The following ATN1 variants were observed in gnomAD, a reference collection of about 807,000 sequenced individuals.
ATN1 encodes the protein atrophin 1.
In ATN1, 19 loss-of-function variants were observed where a neutral mutation model predicts 85.8. That is an observed-to-expected ratio of 0.22 (90% CI 0.15 to 0.32). The LOEUF (loss-of-function observed/expected upper bound fraction) is 0.32, where lower values mean the gene tolerates loss of function less well. Ranked by LOEUF, ATN1 falls within the 10% of genes least tolerant of loss-of-function variation. The probability of loss-of-function intolerance (pLI) is 1.00; values close to 1 mark genes in which losing one functional copy is unlikely to be tolerated. For missense variants in ATN1, 1,453 were observed against 1,564.5 expected (o/e 0.93, Z 1.20); for synonymous variants, 674 against 657.0 (o/e 1.03, Z -0.39).
upstream of ATN1, among the ~76,000 whole-genome samples, chr12:6,927,868 C>T (rs1555142738): frequency 6.6e-6 from 1 of 151,572 alleles, no homozygotes; most frequent in African/African-American, 2.4e-5. Flanking sequence ...GTCGGGGCCT[C>T]GGGCCGGGCC....
At position 6,935,599 on chromosome 12, in the gene ATN1, G is replaced by A. The variant is rs782272870; in HGVS notation, c.332G>A (p.Arg111Gln). The change falls in exon 5 of 10, where the codon CGG becomes CAG. Residue 111 changes from arginine (R) to glutamine (Q), a missense_variant. Arg to Gln is a conservative substitution (Grantham distance 43). Transcript: ENST00000396684. The surrounding 1 kb of genome is among the most constrained non-coding windows in gnomAD (Gnocchi z 5.3). Reference protein sequence around the residue: ...SPSDLDSLDGRSLNDDGSSDP... With the variant: ...SPSDLDSLDGQSLNDDGSSDP... ...TCCGATCTGGATAGCTTGGACGGGC[G>A]GAGCCTTAATGATGATGGCAGCAGC... 1.1e-5 allele frequency: 17 copies of A among 1,613,790 alleles called. No homozygotes were observed. The highest frequency in any genetic ancestry group is 1.6e-4 in the Middle Eastern group (1 of 6,080).
Position 6,934,320 on chromosome 12 carries a change from T to G in ATN1, c.165+7T>G. The G allele has an allele frequency of 6.4e-7, 1 of 1,567,018 alleles. No individual in the cohort carries two copies. The highest frequency in any genetic ancestry group is 1.2e-5 in the South Asian group (1 of 83,720). On this transcript the variant is annotated splice_region_variant and intron_variant, in intron 3 of 9. Transcript: ENST00000396684. This position sits in a 1 kb window ranked among gnomAD's most constrained non-coding sequence, Gnocchi z 4.5. ...GTCCAGGCAGACAGCCAAGGTATTC[T>G]GTCCTCAGGTCCTCCCACAGGATGC...
chr12:6,936,803 T>G lies in ATN1; in HGVS notation c.1536T>G (p.Pro512=). 2 of 1,612,166 alleles carry G rather than the reference T, an allele frequency of 1.2e-6. No homozygotes were observed. The highest frequency in any genetic ancestry group is 1.7e-6 in the Non-Finnish European group (2 of 1,179,174). Residue 512 remains proline, a synonymous_variant, in exon 5 of 10, where the codon CCT becomes CCG. Transcript: ENST00000396684. The stretch of plus-strand genomic sequence containing the variant: ...ACGGAAACTCTGGGCCCCCTCCTCC[T>G]GGAGCATTTCCCCACCCACTGGAGG... ...QHHGNSGPPP[P]GAFPHPLEGG...
Position 6,938,992 on chromosome 12 carries a change from C to T in ATN1, c.3029C>T (p.Ala1010Val). The change falls in exon 7 of 10, where the codon GCC becomes GTC. Residue 1010 changes from alanine (A) to valine (V), a missense_variant. This residue lies in a region of ATN1 where 208 missense variants were observed against 263.4 expected (regional missense o/e 0.79). Coordinates refer to ENST00000396684, the MANE Select transcript of ATN1 (RefSeq NM_001940.4). Reference sequence around the variant, plus strand: ...CGTCTAGCGCTGGCAGCTGGGCCAGCCCTGCGGCCTGACATGTCCTATGCT... The same window carrying T: ...CGTCTAGCGCTGGCAGCTGGGCCAGTCCTGCGGCCTGACATGTCCTATGCT... ...RERLALAAGP[A>V]LRPDMSYAER... 1.2e-6 allele frequency: 2 copies of T among 1,612,894 alleles called. No individual in the cohort carries two copies. The highest frequency in any genetic ancestry group is 1.7e-6 in the Non-Finnish European group (2 of 1,179,988).
chr12:6,929,375 G>C (rs1413111041), intron 1 of ATN1, among the ~76,000 whole-genome samples: 2 of 152,156 alleles, frequency 1.3e-5, no homozygotes, highest in Non-Finnish European at 2.9e-5. Context: ...GGCTTATTTT[G>C]ACTAGGGTAG....
chr12:6,937,346 A>G lies in ATN1; in HGVS notation c.2079A>G (p.Gly693=). The change falls in exon 5 of 10, where the codon GGA becomes GGG. Residue 693 remains glycine, a synonymous_variant. Transcript: ENST00000396684. The surrounding 1 kb of genome is among the most constrained non-coding windows in gnomAD (Gnocchi z 6.0). ...TCAAGCCGGGCTCGCCCACCGTGGGACCTGGGCCCCTGCCACCTGCGGGGC... is the reference window on the plus strand; with the variant it reads ...TCAAGCCGGGCTCGCCCACCGTGGGGCCTGGGCCCCTGCCACCTGCGGGGC... ...GTFKPGSPTV[G]PGPLPPAGPS... is the part of the protein sequence containing the mutation. 1 of 1,553,150 alleles carries G rather than the reference A, an allele frequency of 6.4e-7. No homozygotes were observed. The highest frequency in any genetic ancestry group is 8.7e-7 in the Non-Finnish European group (1 of 1,150,318).
upstream of ATN1, among the ~76,000 whole-genome samples, chr12:6,924,810 G>A (rs1287821858): frequency 6.6e-6 from 1 of 151,946 alleles, no homozygotes; most frequent in Non-Finnish European, 1.5e-5. Flanking sequence ...GTTTTCTCTG[G>A]GGTCCCTGAT....
rs1945562261 is a variant in ATN1, at chr12:6,937,387, C to T, written c.2120C>T (p.Ser707Leu). The T allele has an allele frequency of 1.3e-6, 2 of 1,549,274 alleles. No homozygotes were observed. The highest frequency in any genetic ancestry group is 1.7e-4 in the Middle Eastern group (1 of 5,902). Residue 707 changes from serine to leucine, a missense_variant, in exon 5 of 10, where the codon TCG becomes TTG. By Grantham distance (145) the Ser-to-Leu change is moderately radical. Around this residue, in one of 6 missense-constraint regions of ATN1, gnomAD observed 990 missense variants for 914.8 expected, o/e 1.08. Coordinates refer to ENST00000396684, the MANE Select transcript of ATN1 (RefSeq NM_001940.4). The surrounding 1 kb of genome is among the most constrained non-coding windows in gnomAD (Gnocchi z 6.0). ...LPPAGPSGLPSLPPPPAAPAS... is the reference protein window; with the variant it reads ...LPPAGPSGLPLLPPPPAAPAS... ...CCTGCGGGGCCCTCAGGCCTGCCAT[C>T]GCTGCCACCACCACCTGCGGCCCCT... is the stretch of plus-strand genomic sequence containing the variant.
At position 6,936,284 on chromosome 12, in the gene ATN1, G is replaced by A. The variant is rs1058045; in HGVS notation, c.1017G>A (p.Met339Ile). The A allele has an allele frequency of 6.2e-7, 1 of 1,613,730 alleles. No homozygotes were observed. The highest frequency in any genetic ancestry group is 2.2e-5 in the East Asian group (1 of 44,876). Residue 339 changes from methionine to isoleucine, a missense_variant, in exon 5 of 10, where the codon ATG becomes ATA. Physicochemically the swap from Met to Ile is conservative, Grantham distance 10. Coordinates refer to ENST00000396684, the MANE Select transcript of ATN1 (RefSeq NM_001940.4). Reference sequence around the variant, plus strand: ...CTCCCCACGCCATGGGACAGGGTATGGGTGGACTTCCTCCTGGCCCAGAGA... The same window carrying A: ...CTCCCCACGCCATGGGACAGGGTATAGGTGGACTTCCTCCTGGCCCAGAGA... ...LPSPHAMGQG[M>I]GGLPPGPEKG...
At chr12:6,926,324 A>G (rs1945398406), upstream of ATN1, among the ~76,000 whole-genome samples, 1 of 152,014 alleles carries the variant, frequency 6.6e-6, no homozygotes, top group African/African-American at 2.4e-5. Flanking sequence ...TTTGAGAAGG[A>G]AAATGGAGAT....
chr12:6,939,357 C>A (rs1945602620), intron 7 of ATN1, among the ~76,000 whole-genome samples, 180 bp downstream of exon 7: 1 of 152,232 alleles, frequency 6.6e-6, no homozygotes, highest in Admixed American at 6.5e-5. Flanking sequence ...TCATGGCCTT[C>A]CCTGGCCACA....
Position 6,937,687 on chromosome 12 carries a change from T to G in ATN1, c.2294+126T>G. ...GTTTTAGAAAAGCACGCCCCTCTCC[T>G]CCGTCCAGGCCTAGTGGCCAGTGAG... On this transcript the variant is annotated intron_variant, in intron 5 of 9. Transcript: ENST00000396684. The surrounding 1 kb of genome is among the most constrained non-coding windows in gnomAD (Gnocchi z 6.0). The G allele has an allele frequency of 7.0e-7, 1 of 1,432,486 alleles. No individual in the cohort carries two copies. Among genetic ancestry groups the G allele is most frequent in the East Asian group, 2.5e-5 (1 of 39,882 alleles). The allele number at this position is 1,432,486 out of a possible 1,614,324, so 88.7% of individuals were successfully genotyped here.
At chr12:6,930,218 C>T (rs143035732) in intron 1 of ATN1, among the ~76,000 whole-genome samples, 19 of 152,290 alleles carry the variant, frequency 1.2e-4, no homozygotes, top group African/African-American at 4.3e-4. Context: ...TCTCAGAAGG[C>T]TTAGGCCAGT....
chr12:6,937,645 C>A lies in ATN1; in HGVS notation c.2294+84C>A. ...CGAGAGAGGGAGTAGCAGGGAGGGG[C>A]CTTGCGCTGGTGTAGTGTTTTAGAA... On this transcript the variant is annotated intron_variant, in intron 5 of 9. Transcript: ENST00000396684. The surrounding 1 kb of genome is among the most constrained non-coding windows in gnomAD (Gnocchi z 6.0). 2 of 1,431,766 alleles carry A rather than the reference C, an allele frequency of 1.4e-6. No homozygotes were observed. The highest frequency in any genetic ancestry group is 1.8e-6 in the Non-Finnish European group (2 of 1,090,392). The allele number at this position is 1,431,766 out of a possible 1,614,324, so 88.7% of individuals were successfully genotyped here.
At chr12:6,927,503 C>G (rs1403961537), upstream of ATN1, among the ~76,000 whole-genome samples, 2 of 151,914 alleles carry the variant, frequency 1.3e-5, no homozygotes, top group Admixed American at 6.6e-5. Flanking sequence ...CTCATCTGCC[C>G]TCACCACCCA....
upstream of ATN1, among the ~76,000 whole-genome samples, chr12:6,925,117 CGTGTGTGT>C (rs376981297): frequency 1.4e-5 from 2 of 143,718 alleles, no homozygotes; most frequent in Non-Finnish European, 3.0e-5. Flanking sequence ...TGTGCGTGTG[CGTGTGTGT>C]GTGTGTGTGT....
intron 1 of ATN1, among the ~76,000 whole-genome samples, chr12:6,929,383 T>C (rs144999711): frequency 1.3e-4 from 20 of 152,238 alleles, no homozygotes; most frequent in Non-Finnish European, 1.8e-4. Flanking sequence ...TTGACTAGGG[T>C]AGGTACCTTC....
upstream of ATN1, among the ~76,000 whole-genome samples, chr12:6,925,691 GTTTA>G (rs1555142527): frequency 6.6e-6 from 1 of 152,222 alleles, no homozygotes; most frequent in Non-Finnish European, 1.5e-5. Flanking sequence ...CTGGAATCTT[GTTTA>G]GAGCTTTTGA....
intron 1 of ATN1, among the ~76,000 whole-genome samples, chr12:6,929,466 A>G (rs782204439): frequency 1.6e-4 from 24 of 152,220 alleles, no homozygotes; most frequent in African/African-American, 5.5e-4. Context: ...TAGCTGCCAG[A>G]TGGACACCTG....
Sources: allele counts gnomAD v4.1 joint callset (sites outside exome capture counted in the v4.1 genomes callset), GRCh38; gene constraint gnomAD v4.1.1; regional missense constraint gnomAD v4.1.1; non-coding constraint Gnocchi (gnomAD v3.1); transcripts MANE v1.5; gene names NCBI Gene and HGNC (gene_info 2026-07-23, HGNC 2026-07-21).